CEP57L1: variants seen among roughly 807,000 people sequenced by gnomAD.
CEP57L1 encodes centrosomal protein 57 like 1, also known as centrosomal protein CEP57L1.
A neutral mutation model predicts 61.0 loss-of-function variants in CEP57L1; 37 were observed. That is an observed-to-expected ratio of 0.61 (90% confidence interval 0.47 to 0.80). The LOEUF is 0.80. Ranked by LOEUF, CEP57L1 falls within the 30% of genes least tolerant of loss-of-function variation. The pLI is 0.00. For synonymous variants in CEP57L1, 137 were observed against 162.3 expected, an observed-to-expected ratio of 0.84 and a Z score of 1.19; for missense variants, 422 against 524.7, an observed-to-expected ratio of 0.80 and a Z score of 1.91.
At chr6:109,158,353 G>C (rs1279684958) in intron 7 of CEP57L1, 1 of 237,616 alleles carries the variant, frequency 4.2e-6, no homozygotes, top group Non-Finnish European at 8.3e-6. Context: ...CCAGGCAGTA[G>C]TGGCACACAC....
intron 1 of CEP57L1, among the ~76,000 whole-genome samples, chr6:109,126,069 G>A (rs774695832): frequency 1.3e-5 from 2 of 152,068 alleles, no homozygotes; most frequent in Non-Finnish European, 2.9e-5. Context: ...AAAAGTTGTT[G>A]ACCTAACAAA....
intron 5 of CEP57L1, 44 bp from the exon 6 acceptor site, chr6:109,155,186 G>T: frequency 8.4e-7 from 1 of 1,187,798 alleles, no homozygotes; most frequent in Non-Finnish European, 1.2e-6. Context: ...ATGATATTTG[G>T]CTCTAGTTTT....
intron 3 of CEP57L1, among the ~76,000 whole-genome samples, chr6:109,149,860 T>C (rs1246447724): frequency 2.0e-5 from 3 of 152,168 alleles, no homozygotes; most frequent in Admixed American, 1.3e-4. Context: ...GATTCCTAGG[T>C]ATTTTATTCT....
rs1302737479 is a variant in CEP57L1, at chr6:109,165,063, C to T, written c.*2093C>T. ...ACTGTACTCCAGCCTGGTGACACAGCAAGACTCTGTCTCAAAAAAAAAAAA... is the reference window on the plus strand; with the variant it reads ...ACTGTACTCCAGCCTGGTGACACAGTAAGACTCTGTCTCAAAAAAAAAAAA... On this transcript the variant is annotated 3_prime_UTR_variant, in exon 11 of 11. Coordinates refer to ENST00000517392, the MANE Select transcript of CEP57L1 (RefSeq NM_001271852.3). 7.1e-6 allele frequency among the ~76,000 whole-genome samples: 1 copy of T among 140,798 alleles called. No homozygotes were observed. Among genetic ancestry groups the T allele is most frequent in the Non-Finnish European group, 1.5e-5 (1 of 65,648 alleles). The allele number at this position is 140,798 out of a possible 152,430, so 92.4% of individuals were successfully genotyped here.
Position 109,167,103 on chromosome 6 carries a change from A to G in CEP57L1, c.*4133A>G, listed in dbSNP as rs1332264491. Reference sequence around the variant, plus strand: ...TTGACTGTCACTCATCTGAAAATAAATTTACTTCTTGGTAATTAAATAGAC... The same window carrying G: ...TTGACTGTCACTCATCTGAAAATAAGTTTACTTCTTGGTAATTAAATAGAC... On this transcript the variant is annotated 3_prime_UTR_variant, in exon 11 of 11. Coordinates refer to ENST00000517392, the MANE Select transcript of CEP57L1 (RefSeq NM_001271852.3). Among the ~76,000 whole-genome samples, 1 of 152,216 alleles carries G rather than the reference A, an allele frequency of 6.6e-6. No homozygotes were observed. Among genetic ancestry groups the G allele is most frequent in the Non-Finnish European group, 1.5e-5 (1 of 68,048 alleles).
intron 2 of CEP57L1, 66 bp from the exon 3 acceptor site, chr6:109,146,692 T>A: frequency 9.3e-7 from 1 of 1,072,912 alleles, no homozygotes; most frequent in Non-Finnish European, 1.3e-6. Context: ...ATTTTTCTTA[T>A]GTTACTTTGA....
chr6:109,120,139 A>G (rs1772783858), intron 1 of CEP57L1, among the ~76,000 whole-genome samples: 1 of 152,192 alleles, frequency 6.6e-6, no homozygotes, highest in South Asian at 2.1e-4. Flanking sequence ...TTTTATAGAT[A>G]GGAGGAACGT....
At chr6:109,115,280 C>T (rs1772140795) in intron 1 of CEP57L1, among the ~76,000 whole-genome samples, 1 of 151,726 alleles carries the variant, frequency 6.6e-6, no homozygotes, top group African/African-American at 2.4e-5. Context: ...AGAAATGACA[C>T]TCCTTCAGAG....
chr6:109,135,383 C>G (rs1355477737), intron 1 of CEP57L1, among the ~76,000 whole-genome samples: 1 of 152,126 alleles, frequency 6.6e-6, no homozygotes, highest in Non-Finnish European at 1.5e-5. Context: ...GAAACTGGAT[C>G]CCTTCATTAC....
At chr6:109,100,217 T>C (rs961779560) in intron 1 of CEP57L1, 2 of 152,144 alleles carry the variant, frequency 1.3e-5, no homozygotes, top group Non-Finnish European at 2.9e-5. Flanking sequence ...ACAAACTTAA[T>C]AAATGTGTGA....
intron 1 of CEP57L1, among the ~76,000 whole-genome samples, chr6:109,116,496 ACTTTT>A (rs1772324020): frequency 6.6e-6 from 1 of 152,090 alleles, no homozygotes; most frequent in Admixed American, 6.6e-5. Context: ...TTTTAGAGAT[ACTTTT>A]CTTAACAGTA....
chr6:109,156,539 A>G (rs982632342), intron 7 of CEP57L1: 4 of 152,112 alleles, frequency 2.6e-5, no homozygotes, highest in Non-Finnish European at 5.9e-5. Flanking sequence ...TCTTAATTAT[A>G]TATAATGGTA....
chr6:109,153,830 T>A lies in CEP57L1; in HGVS notation c.463-3T>A. On this transcript the variant is annotated splice_region_variant and splice_polypyrimidine_tract_variant and intron_variant, in intron 4 of 10. Transcript: ENST00000517392. ...GTTGCTATTTTATTTTTATCCTTTC[T>A]AGGCCCAGCTTCAGAGGGAAAAAGA... The A allele has an allele frequency of 6.3e-7, 1 of 1,595,202 alleles. No homozygotes were observed. Among genetic ancestry groups the A allele is most frequent in the Non-Finnish European group, 8.6e-7 (1 of 1,165,294 alleles).
intron 1 of CEP57L1, chr6:109,140,485 C>G (rs1006685804): frequency 3.3e-5 from 5 of 151,250 alleles, no homozygotes; most frequent in South Asian, 2.1e-4. Flanking sequence ...CTGCAACGTC[C>G]GCCTCCCGAG....
In CEP57L1 at chr6:109,170,736, G is replaced by A. The variant is rs1339615861; in HGVS notation, c.*7766G>A. 6.6e-6 allele frequency among the ~76,000 whole-genome samples: 1 copy of A among 152,136 alleles called. No individual in the cohort carries two copies. Among genetic ancestry groups the A allele is most frequent in the Admixed American group, 6.6e-5 (1 of 15,266 alleles). On this transcript the variant is annotated 3_prime_UTR_variant, in exon 11 of 11. Coordinates refer to ENST00000517392, the MANE Select transcript of CEP57L1 (RefSeq NM_001271852.3). ...TTATAACTTACAATTTCTAGCAAAA[G>A]TATCTTTAATATCTTACAAAATATT... is the stretch of plus-strand genomic sequence containing the variant.
chr6:109,158,797 T>C, intron 7 of CEP57L1: 1 of 567,544 alleles, frequency 1.8e-6, no homozygotes, highest in South Asian at 2.0e-5. Context: ...TTCTGATAGA[T>C]GTGCAGTGAT....
intron 3 of CEP57L1, among the ~76,000 whole-genome samples, chr6:109,149,504 C>T (rs1441273848): frequency 6.6e-6 from 1 of 152,074 alleles, no homozygotes; most frequent in Non-Finnish European, 1.5e-5. Flanking sequence ...CAGTACCATG[C>T]TGTTTTGGTT....
intron 1 of CEP57L1, among the ~76,000 whole-genome samples, chr6:109,124,643 TTTA>T (rs1242128002): frequency 1.4e-4 from 21 of 152,218 alleles, no homozygotes. Context: ...TATCATTATT[TTTA>T]TTATTACCAT....
Position 109,165,822 on chromosome 6 carries a change from T to A in CEP57L1, c.*2852T>A, listed in dbSNP as rs1017557318. The A allele has an allele frequency of 6.6e-6, 1 of 152,198 alleles. No individual in the cohort carries two copies. Among genetic ancestry groups the A allele is most frequent in the Non-Finnish European group, 1.5e-5 (1 of 68,042 alleles). 9.4% of individuals were successfully genotyped at this position (152,198 alleles called of 1,614,324 possible). A position where few individuals can be genotyped will look rare whatever the true frequency, so the allele number is the denominator to read the frequency against. Reference sequence around the variant, plus strand: ...TTTCTTTCCTGGATGGAGCAGTCAGTCTATGGTCAGTGTAAGAGTTGCTGT... The same window carrying A: ...TTTCTTTCCTGGATGGAGCAGTCAGACTATGGTCAGTGTAAGAGTTGCTGT... On this transcript the variant is annotated 3_prime_UTR_variant, in exon 11 of 11. Transcript: ENST00000517392.
Sources: gnomAD v4.1 joint callset for allele counts (sites outside exome capture counted in the v4.1 genomes callset) on GRCh38, gnomAD v4.1.1 for gene constraint, MANE v1.5 for transcripts, NCBI Gene and HGNC (gene_info 2026-07-23, HGNC 2026-07-21) for gene names.